PLCZ1: variants seen among roughly 807,000 people sequenced by gnomAD.
PLCZ1 encodes the protein phospholipase C zeta 1.
Under a neutral mutation model 76.8 loss-of-function variants are expected in PLCZ1, and 64 were observed. The ratio of observed to expected loss-of-function variants is 0.83; its 90% CI spans 0.68 to 1.03. PLCZ1 has a LOEUF of 1.03. Ranked by LOEUF, PLCZ1 falls within the 50% of genes least tolerant of loss-of-function variation. The pLI is 0.00. For synonymous variants in PLCZ1, 248 were observed against 230.8 expected (o/e 1.07, Z -0.68); for missense variants, 751 against 713.7 (o/e 1.05, Z -0.60).
chr12:18,692,846 G>T, intron 12 of PLCZ1: 1 of 1,593,058 alleles, frequency 6.3e-7, no homozygotes, highest in Non-Finnish European at 8.6e-7. Context: ...ACAAGAAAAA[G>T]AAATATGAAC....
At chr12:18,660,088 G>A in the PLCZ1 span, among the ~76,000 whole-genome samples, 1 of 152,108 alleles carries the variant, frequency 6.6e-6, no homozygotes, top group African/African-American at 2.4e-5. Flanking sequence ...TAATCTGTCT[G>A]AGGTAAATAT....
At position 18,736,203 on chromosome 12, in the gene PLCZ1, G is replaced by T; in HGVS notation, c.135+18C>A. 6.2e-7 allele frequency: 1 copy of T among 1,610,426 alleles called. No homozygotes were observed. The highest frequency in any genetic ancestry group is 1.1e-5 in the South Asian group (1 of 90,946). ...TTCCACCTAGGATAGGATAGGCAGG[G>T]GGTGGATGTCATCTTACCTTAAAAA... On this transcript the variant is annotated intron_variant, in intron 3 of 14. Transcript: ENST00000266505.
chr12:18,659,710 C>CTATTATT, the PLCZ1 span, among the ~76,000 whole-genome samples: 2,338 of 141,370 alleles, frequency 0.017, 57 homozygotes, highest in African/African-American at 0.057. Flanking sequence ...TTTTAGGGCA[C>CTATTATT]ATGTGCACAA....
chr12:18,712,961 A>G lies in PLCZ1; in HGVS notation c.595T>C (p.Leu199=), dbSNP rs1592211411. 6.2e-7 allele frequency: 1 copy of G among 1,613,958 alleles called. No individual in the cohort carries two copies. The highest frequency in any genetic ancestry group is 1.1e-5 in the South Asian group (1 of 91,084). Reference sequence around the variant, plus strand: ...GCTCCATCCCAGCAGTCAATCTCCAAACAACGGCATCCTTTCACAAGGGCA... The same window carrying G: ...GCTCCATCCCAGCAGTCAATCTCCAGACAACGGCATCCTTTCACAAGGGCA... ...VSALVKGCRC[L]EIDCWDGAQN... The change falls in exon 6 of 15, where the codon TTG becomes CTG. Residue 199 remains leucine, a synonymous_variant. Coordinates refer to ENST00000266505, the MANE Select transcript of PLCZ1 (RefSeq NM_033123.4).
chr12:18,662,122 T>C, the PLCZ1 span, among the ~76,000 whole-genome samples: 1 of 152,130 alleles, frequency 6.6e-6, no homozygotes, highest in Admixed American at 6.6e-5. Flanking sequence ...CTGGGACTAC[T>C]TGAAGATGGA....
At chr12:18,697,168 A>C (rs1373568357) in intron 10 of PLCZ1, among the ~76,000 whole-genome samples, 2 of 152,136 alleles carry the variant, frequency 1.3e-5, no homozygotes, top group African/African-American at 4.8e-5. Flanking sequence ...GTGACTCATC[A>C]TGGGAGAATG....
At chr12:18,729,313 C>T in intron 3 of PLCZ1, among the ~76,000 whole-genome samples, 1 of 151,970 alleles carries the variant, frequency 6.6e-6, no homozygotes, top group East Asian at 1.9e-4. Context: ...GCAAGAATGC[C>T]ACTTCCATCA....
chr12:18,679,713 G>GA (rs1565635051), downstream of PLCZ1, among the ~76,000 whole-genome samples: 1 of 151,940 alleles, frequency 6.6e-6, no homozygotes, highest in Non-Finnish European at 1.5e-5. Context: ...TAATACATTA[G>GA]AAAAAAGACT....
chr12:18,730,287 A>C (rs774561074), intron 3 of PLCZ1, among the ~76,000 whole-genome samples: 2 of 152,120 alleles, frequency 1.3e-5, no homozygotes, highest in Non-Finnish European at 2.9e-5. Context: ...TGAATGTGTA[A>C]GCAGCTTAAT....
At chr12:18,697,401 C>G (rs1330093064) in intron 10 of PLCZ1, among the ~76,000 whole-genome samples, 1 of 152,132 alleles carries the variant, frequency 6.6e-6, no homozygotes, top group East Asian at 1.9e-4. Context: ...GCTCCCTTAT[C>G]TAGTCCTAAC....
chr12:18,650,694 GTGTGTGTGTGTATATATCTATA>G, the PLCZ1 span, among the ~76,000 whole-genome samples: 366 of 38,796 alleles, frequency 9.4e-3, 9 homozygotes, highest in South Asian at 0.02. Flanking sequence ...GTGTGTGTGT[GTGTGTGTGTGTATATATCTATA>G]TATATATATA....
chr12:18,715,467 T>A (rs1254517710), intron 5 of PLCZ1, among the ~76,000 whole-genome samples: 1 of 151,646 alleles, frequency 6.6e-6, no homozygotes, highest in Non-Finnish European at 1.5e-5. Context: ...AGTGGCGCGA[T>A]CTCGGCTCAC....
intron 13 of PLCZ1, 113 bp from the exon 14 acceptor site, chr12:18,684,392 G>A: frequency 2.0e-6 from 2 of 993,318 alleles, no homozygotes; most frequent in Non-Finnish European, 3.0e-6. Context: ...ATAATATCTT[G>A]TGTTTAGAGC....
chr12:18,689,807 C>T (rs549535295), intron 12 of PLCZ1, among the ~76,000 whole-genome samples: 1 of 152,244 alleles, frequency 6.6e-6, no homozygotes, highest in Admixed American at 6.5e-5. Context: ...TGTCAAATGC[C>T]TTCATCAAGA....
chr12:18,704,266 G>T (rs1472489686), intron 7 of PLCZ1, among the ~76,000 whole-genome samples: 1 of 152,148 alleles, frequency 6.6e-6, no homozygotes. Context: ...GAGAAAGAGG[G>T]ACTGAACAGG....
At chr12:18,663,109 A>G in the PLCZ1 span, among the ~76,000 whole-genome samples, 2 of 152,068 alleles carry the variant, frequency 1.3e-5, no homozygotes, top group East Asian at 3.9e-4. Flanking sequence ...AAAATCCACA[A>G]TGAATATTAT....
Position 18,701,534 on chromosome 12 carries a change from CT to C in PLCZ1, c.983del (p.Lys328SerfsTer5). On this transcript the variant is annotated frameshift_variant, in exon 9 of 15. Coordinates refer to ENST00000266505, the MANE Select transcript of PLCZ1 (RefSeq NM_033123.4). LOFTEE classifies it high-confidence loss of function. ...DNQDKETGVK[K>X]LPGVMLFKKK... Reference sequence around the variant, plus strand: ...TCTTGAAAAGCATTACTCCAGGTAACTTTTTTACCCCTGTTTCCTTGTCTTG... The same window carrying C: ...TCTTGAAAAGCATTACTCCAGGTAACTTTTTACCCCTGTTTCCTTGTCTTG... The C allele has an allele frequency of 1.2e-6, 2 of 1,613,914 alleles. No homozygotes were observed. Among genetic ancestry groups the C allele is most frequent in the Non-Finnish European group, 8.5e-7 (1 of 1,179,948 alleles).
chr12:18,697,481 T>A (rs932191934), intron 10 of PLCZ1, among the ~76,000 whole-genome samples: 1 of 152,154 alleles, frequency 6.6e-6, no homozygotes, highest in Non-Finnish European at 1.5e-5. Flanking sequence ...AAGTAATAAA[T>A]GTGAATGATG....
At chr12:18,683,502 TCTGACTTC>T in intron 14 of PLCZ1, 178 bp from the exon 15 acceptor site, 1 of 1,493,506 alleles carries the variant, frequency 6.7e-7, no homozygotes, top group South Asian at 1.2e-5. Flanking sequence ...CATTTTCTAT[TCTGACTTC>T]CTAACTGCCC....
Sources: gnomAD v4.1 joint callset for allele counts (sites outside exome capture counted in the v4.1 genomes callset) on GRCh38, gnomAD v4.1.1 for gene constraint, MANE v1.5 for transcripts, NCBI Gene and HGNC (gene_info 2026-07-23, HGNC 2026-07-21) for gene names.